ANKRD26: variants seen among roughly 807,000 people sequenced by gnomAD.
ANKRD26 encodes the protein ankyrin repeat domain-containing protein 26.
In ANKRD26, 141 loss-of-function variants were observed where a neutral mutation model predicts 208.7. That is an observed-to-expected ratio of 0.68 (90% CI 0.59 to 0.78). The LOEUF is 0.78. Among genes scored for constraint, ANKRD26 ranks in the 30% least tolerant of loss-of-function variants. The pLI is 0.00. For synonymous variants in ANKRD26, 636 were observed against 660.4 expected (o/e 0.96, Z 0.57); for missense variants, 1,889 against 1,938.7 (o/e 0.97, Z 0.48).
intron 6 of ANKRD26, 62 bp downstream of exon 6, chr10:27,082,741 C>T: frequency 6.5e-7 from 1 of 1,527,702 alleles, no homozygotes; most frequent in Non-Finnish European, 8.8e-7. Flanking sequence ...GAGTAGGGCA[C>T]TCAACAGTTT....
At chr10:27,081,762 G>C (rs2055912323) in intron 6 of ANKRD26, among the ~76,000 whole-genome samples, 1 of 151,250 alleles carries the variant, frequency 6.6e-6, no homozygotes, top group Non-Finnish European at 1.5e-5. Context: ...TTTTGAGACA[G>C]AGTCCCGCTC....
chr10:26,978,148 C>T (rs12415376), intron 5 of ANKRD26, among the ~76,000 whole-genome samples: 2,573 of 152,210 alleles, frequency 0.017, 157 homozygotes, highest in East Asian at 0.17. Context: ...CAAAGGTAAA[C>T]GAGCATCTAA....
rs1232294153 is a variant in ANKRD26 at position 27,004,648 on chromosome 10, T to A, written c.*942A>T. On this transcript the variant is annotated 3_prime_UTR_variant, in exon 34 of 34. Coordinates refer to ENST00000376087, the MANE Select transcript of ANKRD26 (RefSeq NM_014915.3). ...CTGTGATACTCCTGCCAAAAAATCA[T>A]ATAATCTAAATCTAATCACCATGAA... The A allele has an allele frequency of 6.6e-6, 1 of 152,144 alleles. No individual in the cohort carries two copies. Among genetic ancestry groups the A allele is most frequent in the Non-Finnish European group, 1.5e-5 (1 of 68,026 alleles). 9.4% of individuals were successfully genotyped at this position (152,144 alleles called of 1,614,324 possible).
intron 24 of ANKRD26, 78 bp from the exon 25 acceptor site, chr10:27,033,455 T>A (rs1020390163): frequency 7.1e-7 from 1 of 1,399,228 alleles, no homozygotes; most frequent in African/African-American, 1.4e-5. Flanking sequence ...ATGTTAATAA[T>A]ATTTAACTAT....
rs1042715324 is a variant in ANKRD26 at position 27,067,068 on chromosome 10, A to T, written c.1207+89T>A. 19 of 1,482,036 alleles carry T rather than the reference A, an allele frequency of 1.3e-5. No individual in the cohort carries two copies. The South Asian group carries it at 1.9e-4, about 15-fold the overall frequency. 91.8% of individuals were successfully genotyped at this position (1,482,036 alleles called of 1,614,324 possible). On this transcript the variant is annotated intron_variant, in intron 10 of 33. Coordinates refer to ENST00000376087, the MANE Select transcript of ANKRD26 (RefSeq NM_014915.3). ...GTGATCCACCTGCCTCAGCCTCCCA[A>T]AGTGCTGGGATCACAGGTGTGAGCC... is the stretch of plus-strand genomic sequence containing the variant.
At chr10:26,956,701 AAGATATTTTGG>A in the ANKRD26 span, among the ~76,000 whole-genome samples, 1 of 152,096 alleles carries the variant, frequency 6.6e-6, no homozygotes, top group African/African-American at 2.4e-5. Context: ...GAAGTTCTAG[AAGATATTTTGG>A]ACCTTGATTT....
intron 18 of ANKRD26, among the ~76,000 whole-genome samples, chr10:27,044,885 T>C (rs1321529254): frequency 6.6e-6 from 1 of 152,234 alleles, no homozygotes; most frequent in East Asian, 1.9e-4. Flanking sequence ...TGCTGTGCTG[T>C]GAAAGTAATA....
chr10:26,948,981 G>A, the ANKRD26 span, among the ~76,000 whole-genome samples: 1 of 151,960 alleles, frequency 6.6e-6, no homozygotes, highest in Non-Finnish European at 1.5e-5. Flanking sequence ...GGCAACAAGA[G>A]TGAAACGCCA....
Position 27,043,534 on chromosome 10 carries a change from C to T in ANKRD26, c.2053G>A (p.Asp685Asn), listed in dbSNP as rs368408857. 46 of 1,613,854 alleles carry T rather than the reference C, an allele frequency of 2.9e-5. No individual in the cohort carries two copies. The African/African-American group carries it at 4.9e-4, about 17-fold the overall frequency. The change falls in exon 20 of 34, where the codon GAT becomes AAT. Residue 685 changes from aspartate to asparagine, a missense_variant. Asp to Asn is a conservative substitution (Grantham distance 23, BLOSUM62 1). Transcript: ENST00000376087. ...GTTTCAGATGACTGAGTTAAGTCAT[C>T]AACATCATCCATAGACTGTATTTGG... Reference protein sequence around the residue: ...KNQIQSMDDVDDLTQSSETAS... With the variant: ...KNQIQSMDDVNDLTQSSETAS...
chr10:26,987,268 C>T (rs1384696604), downstream of ANKRD26, among the ~76,000 whole-genome samples: 4 of 151,298 alleles, frequency 2.6e-5, no homozygotes, highest in Non-Finnish European at 2.9e-5. Context: ...CATCACACAC[C>T]GGGGCCTGTT....
intron 32 of ANKRD26, among the ~76,000 whole-genome samples, chr10:27,008,193 G>A (rs1001305520): frequency 6.6e-6 from 1 of 151,858 alleles, no homozygotes; most frequent in Admixed American, 6.6e-5. Context: ...GAGCATAATA[G>A]GTACTTTGTG....
At chr10:27,056,470 A>C (rs1284087179) in intron 15 of ANKRD26, among the ~76,000 whole-genome samples, 1 of 151,856 alleles carries the variant, frequency 6.6e-6, no homozygotes, top group African/African-American at 2.4e-5. Flanking sequence ...GACCCAGCCA[A>C]AAATAATTTT....
intron 6 of ANKRD26, chr10:27,080,056 T>C (rs1278034405): frequency 5.0e-6 from 2 of 399,732 alleles, no homozygotes; most frequent in East Asian, 1.1e-4. Flanking sequence ...ACTTGGGAGG[T>C]GGAGGCAGAA....
At chr10:26,970,012 T>TTAGTAGAG (rs58939050), downstream of ANKRD26, among the ~76,000 whole-genome samples, 1 of 151,482 alleles carries the variant, frequency 6.6e-6, no homozygotes, top group Admixed American at 6.6e-5. Context: ...TTTTGTATTT[T>TTAGTAGAG]AGTTTTGTCA....
rs557609110 is a variant in ANKRD26 at position 27,100,212 on chromosome 10, C to T, written c.115G>A (p.Gly39Ser). 3 of 1,613,502 alleles carry T rather than the reference C, an allele frequency of 1.9e-6. No individual in the cohort carries two copies. Among genetic ancestry groups the T allele is most frequent in the East Asian group, 2.2e-5 (1 of 44,880 alleles). Residue 39 changes from glycine (G) to serine (S), a missense_variant, in exon 1 of 34, where the codon GGC becomes AGC. Gly to Ser is a moderately conservative substitution (Grantham distance 56, BLOSUM62 0). Coordinates refer to ENST00000376087, the MANE Select transcript of ANKRD26 (RefSeq NM_014915.3). ...AGATCTCGGTCTCGGACGTGGTAGCCGGGCTGCGAGTAGGCGCCCTCCCCC... is the reference window on the plus strand; with the variant it reads ...AGATCTCGGTCTCGGACGTGGTAGCTGGGCTGCGAGTAGGCGCCCTCCCCC... ...EPGEGAYSQP[G>S]YHVRDRDLGK...
chr10:27,089,695 G>A (rs2056235917), intron 4 of ANKRD26, among the ~76,000 whole-genome samples: 1 of 152,208 alleles, frequency 6.6e-6, no homozygotes, highest in Non-Finnish European at 1.5e-5. Context: ...GGGAGGCTGA[G>A]GTGGGAGAAT....
At chr10:27,061,509 T>C (rs531174231) in intron 12 of ANKRD26, among the ~76,000 whole-genome samples, 16 of 151,960 alleles carry the variant, frequency 1.1e-4, no homozygotes, top group African/African-American at 3.9e-4. Flanking sequence ...AAAAAGCCAA[T>C]GCTTCTATAT....
intron 32 of ANKRD26, among the ~76,000 whole-genome samples, chr10:27,009,449 T>C (rs1416653410): frequency 6.6e-6 from 1 of 152,214 alleles, no homozygotes; most frequent in African/African-American, 2.4e-5. Context: ...CACATTTTCC[T>C]CATATTTCCC....
At position 27,004,272 on chromosome 10, in the gene ANKRD26, T is replaced by C. The variant is rs2052795027; in HGVS notation, c.*1318A>G. The stretch of plus-strand genomic sequence containing the variant: ...TATTTGTACTACCTCTTATAATCTT[T>C]CTGTAAGTCTGAAGTTGTCAAAATA... On this transcript the variant is annotated 3_prime_UTR_variant, in exon 34 of 34. Coordinates refer to ENST00000376087, the MANE Select transcript of ANKRD26 (RefSeq NM_014915.3). The C allele has an allele frequency of 6.6e-6, 1 of 152,208 alleles. No individual in the cohort carries two copies. The highest frequency in any genetic ancestry group is 1.5e-5 in the Non-Finnish European group (1 of 68,030). 9.4% of individuals were successfully genotyped at this position (152,208 alleles called of 1,614,324 possible).
Sources: gnomAD v4.1 joint callset for allele counts (sites outside exome capture counted in the v4.1 genomes callset) on GRCh38, gnomAD v4.1.1 for gene constraint, MANE v1.5 for transcripts, NCBI Gene and HGNC (gene_info 2026-07-23, HGNC 2026-07-21) for gene names.